The following AOPEP variants were observed in gnomAD, a reference collection of about 807,000 sequenced individuals.
AOPEP encodes the protein aminopeptidase O.
A neutral mutation model predicts 98.1 loss-of-function variants in AOPEP; 77 were observed. That is an observed-to-expected ratio of 0.78 (90% confidence interval 0.65 to 0.95). The LOEUF (loss-of-function observed/expected upper bound fraction) is 0.95. AOPEP is among the 40% of genes least tolerant of loss of function. AOPEP has a pLI of 0.00. For missense variants in AOPEP, 1,024 were observed against 1,024.7 expected, an observed-to-expected ratio of 1.00 and a Z score of 0.01; for synonymous variants, 346 against 365.3, an observed-to-expected ratio of 0.95 and a Z score of 0.60.
chr9:95,051,894 A>G (rs1452115664), intron 13 of AOPEP, among the ~76,000 whole-genome samples: 1 of 151,934 alleles, frequency 6.6e-6, no homozygotes, highest in Non-Finnish European at 1.5e-5. Flanking sequence ...TAGTAGAGAC[A>G]GGGTTTCACT....
At chr9:94,896,737 G>T (rs1271072472) in intron 5 of AOPEP, among the ~76,000 whole-genome samples, 1 of 152,166 alleles carries the variant, frequency 6.6e-6, no homozygotes, top group Non-Finnish European at 1.5e-5. Context: ...AGGAATGTCT[G>T]AGAAACTGTC....
chr9:94,892,265 C>T (rs1351769694), intron 5 of AOPEP, among the ~76,000 whole-genome samples: 1 of 152,192 alleles, frequency 6.6e-6, no homozygotes, highest in Non-Finnish European at 1.5e-5. Flanking sequence ...TCCCTTCCTC[C>T]TCTCTTTCTG....
At chr9:94,929,569 G>C (rs2137031365) in intron 7 of AOPEP, among the ~76,000 whole-genome samples, 1 of 152,394 alleles carries the variant, frequency 6.6e-6, no homozygotes, top group East Asian at 1.9e-4. Flanking sequence ...TTTCGGAAAG[G>C]AGATCTAGCG....
At chr9:94,866,987 C>T (rs2045776657) in intron 5 of AOPEP, among the ~76,000 whole-genome samples, 2 of 152,142 alleles carry the variant, frequency 1.3e-5, no homozygotes, top group South Asian at 4.1e-4. Context: ...AAATCTAACC[C>T]AGCAAAATTC....
At chr9:94,899,179 C>CTTTTTTTCT (rs2050026361) in intron 5 of AOPEP, among the ~76,000 whole-genome samples, 1 of 59,732 alleles carries the variant, frequency 1.7e-5, no homozygotes, top group African/African-American at 7.5e-5. Flanking sequence ...TCTTCATTTG[C>CTTTTTTTCT]TTTTTTTTTT....
At chr9:94,961,757 A>G (rs1369331098) in intron 9 of AOPEP, among the ~76,000 whole-genome samples, 1 of 152,080 alleles carries the variant, frequency 6.6e-6, no homozygotes, top group African/African-American at 2.4e-5. Flanking sequence ...ATTTTCTTCT[A>G]TTCCTTGGAT....
chr9:94,867,955 T>C (rs1387069193), intron 5 of AOPEP, among the ~76,000 whole-genome samples: 3 of 152,200 alleles, frequency 2.0e-5, no homozygotes, highest in Non-Finnish European at 2.9e-5. Flanking sequence ...CAGAGTAACA[T>C]GTTTATAATA....
chr9:95,034,908 G>A (rs973568389), intron 13 of AOPEP, among the ~76,000 whole-genome samples: 2 of 152,056 alleles, frequency 1.3e-5, no homozygotes, highest in South Asian at 4.1e-4. Flanking sequence ...TGGGAGAGAA[G>A]TGGGAAGACA....
rs374142589 is a variant in AOPEP, at chr9:94,965,319, G to A, written c.1873-2439G>A. 3.3e-5 allele frequency among the ~76,000 whole-genome samples: 5 copies of A among 152,104 alleles called. No homozygotes were observed. In the East Asian group the frequency reaches 7.7e-4, roughly 23 times the overall value. On this transcript the variant is annotated intron_variant, in intron 9 of 16. Coordinates refer to ENST00000375315, the MANE Select transcript of AOPEP (RefSeq NM_001193329.3). ...ATTACTGTTTGTATTGTTATTTCAC[G>A]TCAAACAGCAATAAACAAGTAAAGT...
chr9:95,003,387 T>C (rs1012026531), intron 11 of AOPEP, among the ~76,000 whole-genome samples: 2 of 152,358 alleles, frequency 1.3e-5, no homozygotes, highest in Non-Finnish European at 2.9e-5. Flanking sequence ...AGCAGAGCAC[T>C]GTTTTAGTAC....
chr9:95,035,390 A>G (rs994941004), intron 13 of AOPEP, among the ~76,000 whole-genome samples: 1 of 152,078 alleles, frequency 6.6e-6, no homozygotes, highest in Non-Finnish European at 1.5e-5. Flanking sequence ...CAGTTGGAAC[A>G]TCTTGAAAAA....
chr9:95,128,913 T>TC, the AOPEP span, among the ~76,000 whole-genome samples: 1 of 151,854 alleles, frequency 6.6e-6, no homozygotes, highest in African/African-American at 2.4e-5. Context: ...AGTCTCCTTT[T>TC]TTTTTTTTTT....
chr9:94,781,662 G>A (rs1843277435), intron 3 of AOPEP, among the ~76,000 whole-genome samples: 1 of 150,756 alleles, frequency 6.6e-6, no homozygotes, highest in African/African-American at 2.4e-5. Context: ...CCAGGTTTAC[G>A]CCATTCTCCT....
chr9:94,973,188 C>G (rs1007169474), intron 10 of AOPEP, among the ~76,000 whole-genome samples: 5 of 152,212 alleles, frequency 3.3e-5, no homozygotes, highest in East Asian at 1.9e-4. Flanking sequence ...CTGTGTGCTT[C>G]CCTTCAGAGG....
chr9:94,979,404 C>G lies in AOPEP; in HGVS notation c.1954C>G (p.Leu652Val). ...LSVENIYQDWLESSGIPKPLQ... is the reference protein window; with the variant it reads ...LSVENIYQDWVESSGIPKPLQ... ...TGTTGAAAACATCTACCAAGACTGG[C>G]TTGAGAGTTCCGGAATACCAAAGGT... is the stretch of plus-strand genomic sequence containing the variant. The change falls in exon 11 of 17, where the codon CTT (leucine) becomes GTT (valine). Residue 652 changes from leucine (L) to valine (V), a missense_variant. Coordinates refer to ENST00000375315, the MANE Select transcript of AOPEP (RefSeq NM_001193329.3). The G allele has an allele frequency of 6.2e-7, 1 of 1,601,286 alleles. No homozygotes were observed.
At chr9:95,092,804 G>A in the AOPEP span, among the ~76,000 whole-genome samples, 5 of 152,136 alleles carry the variant, frequency 3.3e-5, no homozygotes, top group South Asian at 2.1e-4. Context: ...ACAGAAGTGC[G>A]TTTCCTGACG....
At chr9:95,087,428 A>T (rs2070785243), downstream of AOPEP, among the ~76,000 whole-genome samples, 1 of 128,716 alleles carries the variant, frequency 7.8e-6, no homozygotes. Context: ...AGTTGCAGTG[A>T]GCCGAGATTG....
In AOPEP at chr9:94,764,953, G is replaced by C. The variant is rs556635483; in HGVS notation, c.797+4373G>C. ...CAGTGGCATGAACTTGGCTCACCAA[G>C]TTCTTTCTACCCTGAAATCTCTTTT... On this transcript the variant is annotated intron_variant, in intron 2 of 16. Coordinates refer to ENST00000375315, the MANE Select transcript of AOPEP (RefSeq NM_001193329.3). Among the ~76,000 whole-genome samples the C allele has an allele frequency of 3.0e-4, 45 of 152,234 alleles. No homozygotes were observed. The South Asian group carries it at 8.9e-3, about 30-fold the overall frequency.
At chr9:95,018,673 C>CTGAA (rs1422965825) in intron 13 of AOPEP, among the ~76,000 whole-genome samples, 1 of 152,222 alleles carries the variant, frequency 6.6e-6, no homozygotes, top group Non-Finnish European at 1.5e-5. Context: ...TGACATGCAG[C>CTGAA]TTGTTTTCTG....
Sources: allele counts gnomAD v4.1 joint callset (sites outside exome capture counted in the v4.1 genomes callset), GRCh38; gene constraint gnomAD v4.1.1; transcripts MANE v1.5; gene names NCBI Gene and HGNC (gene_info 2026-07-23, HGNC 2026-07-21).